Variants in UTS2 observed in about 807,000 individuals in gnomAD.
UTS2 encodes the protein urotensin-2.
In UTS2, 10 loss-of-function variants were observed where a neutral mutation model predicts 12.6. The ratio of observed to expected loss-of-function variants is 0.80; its 90% CI spans 0.49 to 1.35. UTS2 has a LOEUF of 1.35. Among genes scored for constraint, UTS2 ranks in the 40% most tolerant of loss-of-function variants. UTS2 has a pLI of 0.00. For synonymous variants in UTS2, 52 were observed against 50.0 expected (o/e 1.04, Z -0.17); for missense variants, 142 against 143.2 (o/e 0.99, Z 0.04).
At chr1:7,879,493 T>C in the UTS2 span, among the ~76,000 whole-genome samples, 149,062 of 152,332 alleles carry the variant, frequency 0.98, 72,953 homozygotes, top group East Asian at 1. Flanking sequence ...GTAATCCCAG[T>C]ACTTTAGGAG....
intron 3 of UTS2, among the ~76,000 whole-genome samples, chr1:7,848,774 C>G (rs1578023362): frequency 6.6e-6 from 1 of 152,280 alleles, no homozygotes; most frequent in East Asian, 1.9e-4. Flanking sequence ...CCTACCTCGG[C>G]CTCCCGTGCT....
the UTS2 span, among the ~76,000 whole-genome samples, chr1:7,905,442 C>T: frequency 5.3e-5 from 8 of 151,084 alleles, no homozygotes; most frequent in Non-Finnish European, 1.0e-4. Flanking sequence ...CGTGCCAGGC[C>T]GTAATTAACA....
At chr1:7,880,232 C>T in the UTS2 span, among the ~76,000 whole-genome samples, 3 of 151,424 alleles carry the variant, frequency 2.0e-5, no homozygotes, top group Non-Finnish European at 2.9e-5. Context: ...CACTCTAGCC[C>T]GGGTGACAGA....
At chr1:7,878,958 A>C in the UTS2 span, among the ~76,000 whole-genome samples, 56 of 152,336 alleles carry the variant, frequency 3.7e-4, no homozygotes, top group East Asian at 0.011. Context: ...TTCAGCAAGA[A>C]GATATAATTC....
chr1:7,870,974 G>A, the UTS2 span, among the ~76,000 whole-genome samples: 1 of 152,162 alleles, frequency 6.6e-6, no homozygotes, highest in African/African-American at 2.4e-5. Context: ...GGAGGATCCA[G>A]GATGCTGTCA....
chr1:7,877,148 A>AAAAAG, the UTS2 span, among the ~76,000 whole-genome samples: 6 of 103,718 alleles, frequency 5.8e-5, no homozygotes, highest in African/African-American at 1.1e-4. Flanking sequence ...AAAAAGAAAA[A>AAAAAG]AAAAAGAAAC....
chr1:7,860,407 T>A, the UTS2 span, among the ~76,000 whole-genome samples: 1 of 151,970 alleles, frequency 6.6e-6, no homozygotes, highest in South Asian at 2.1e-4. Context: ...CCCGTGTGGT[T>A]CAGTGTGATC....
the UTS2 span, among the ~76,000 whole-genome samples, chr1:7,860,227 C>T: frequency 1.3e-5 from 2 of 152,026 alleles, no homozygotes; most frequent in East Asian, 1.9e-4. Context: ...TTCAGGTGGG[C>T]GATGGGATGG....
the UTS2 span, among the ~76,000 whole-genome samples, chr1:7,894,318 C>A: frequency 2.0e-5 from 3 of 151,880 alleles, no homozygotes; most frequent in South Asian, 6.3e-4. Flanking sequence ...AAGTAGCAGG[C>A]CCCCACCACT....
the UTS2 span, among the ~76,000 whole-genome samples, chr1:7,908,808 ATT>A: frequency 4.8e-4 from 69 of 144,522 alleles, no homozygotes; most frequent in Admixed American, 7.6e-4. Flanking sequence ...CAAAGGCACA[ATT>A]TTTTTTTTTT....
the UTS2 span, among the ~76,000 whole-genome samples, chr1:7,911,207 G>T: frequency 0.025 from 3,794 of 152,108 alleles, 70 homozygotes; most frequent in Non-Finnish European, 0.035. Flanking sequence ...TAGAACCAGG[G>T]TCTATATTTG....
rs995242184 is a variant in UTS2, at chr1:7,850,887, G to C, written c.139C>G (p.Leu47Val). 4 of 1,613,988 alleles carry C rather than the reference G, an allele frequency of 2.5e-6. No individual in the cohort carries two copies. The highest frequency in any genetic ancestry group is 1.3e-5 in the African/African-American group (1 of 74,932). ...ATCTGTAGAAGGGAAGCTCTTTCTAGCTCCTCCGGAGTTAAGCGCGCGTCT... is the reference window on the plus strand; with the variant it reads ...ATCTGTAGAAGGGAAGCTCTTTCTACCTCCTCCGGAGTTAAGCGCGCGTCT... ...HEDARLTPEE[L>V]ERASLLQILP... The change falls in exon 2 of 4, where the codon CTA becomes GTA. Residue 47 changes from leucine (L) to valine (V), a missense_variant. Coordinates refer to ENST00000361696, the MANE Select transcript of UTS2 (RefSeq NM_006786.4).
At chr1:7,884,257 C>A in the UTS2 span, among the ~76,000 whole-genome samples, 2 of 151,472 alleles carry the variant, frequency 1.3e-5, no homozygotes, top group Admixed American at 6.6e-5. Context: ...AATTAAAGAA[C>A]ATGTTTTCTG....
At chr1:7,849,719 G>A in intron 2 of UTS2, 36 bp from the exon 3 acceptor site, 1 of 1,571,728 alleles carries the variant, frequency 6.4e-7, no homozygotes, top group Non-Finnish European at 8.6e-7. Context: ...CATCAGATCT[G>A]TTGTTTCTCT....
chr1:7,901,633 T>TAC, the UTS2 span, among the ~76,000 whole-genome samples: 2 of 150,724 alleles, frequency 1.3e-5, no homozygotes, highest in Non-Finnish European at 3.0e-5. Context: ...TGTGTGTGTA[T>TAC]ATATATATTT....
the UTS2 span, among the ~76,000 whole-genome samples, chr1:7,908,648 A>C: frequency 1.3e-5 from 2 of 151,878 alleles, no homozygotes. Flanking sequence ...ATTGATTGGT[A>C]TGTAAATTGG....
chr1:7,880,237 G>A, the UTS2 span, among the ~76,000 whole-genome samples: 1 of 151,968 alleles, frequency 6.6e-6, no homozygotes, highest in East Asian at 1.9e-4. Context: ...TAGCCCGGGT[G>A]ACAGAGCAAG....
chr1:7,848,696 T>C (rs1277257480), intron 3 of UTS2, among the ~76,000 whole-genome samples: 1 of 152,050 alleles, frequency 6.6e-6, no homozygotes, highest in Non-Finnish European at 1.5e-5. Context: ...AGTTTTGTAT[T>C]TTTTGTAGAG....
upstream of UTS2, chr1:7,853,267 G>A: frequency 6.2e-7 from 1 of 1,612,130 alleles, no homozygotes; most frequent in Non-Finnish European, 8.5e-7. Context: ...ATTATATAAA[G>A]AACAGTGAGT....
Sources: gnomAD v4.1 joint callset for allele counts (sites outside exome capture counted in the v4.1 genomes callset) on GRCh38, gnomAD v4.1.1 for gene constraint, MANE v1.5 for transcripts, NCBI Gene and HGNC (gene_info 2026-07-23, HGNC 2026-07-21) for gene names.